Variants in ARHGAP21 observed in about 807,000 individuals in gnomAD.
The protein encoded by ARHGAP21 is Rho GTPase activating protein 21, also known as rho GTPase-activating protein 21.
A neutral mutation model predicts 164.6 loss-of-function variants in ARHGAP21; 38 were observed. The observed-to-expected ratio is 0.23, with a 90% CI of 0.18 to 0.30. The LOEUF (loss-of-function observed/expected upper bound fraction) is 0.30, where lower values mean the gene tolerates loss of function less well. Among genes scored for constraint, ARHGAP21 ranks in the 10% least tolerant of loss-of-function variants. The probability of loss-of-function intolerance (pLI) is 1.00; values close to 1 mark genes in which losing one functional copy is unlikely to be tolerated. For synonymous variants in ARHGAP21, 766 were observed against 857.9 expected, an observed-to-expected ratio of 0.89 and a Z score of 1.87; for missense variants, 1,822 against 2,370.7, an observed-to-expected ratio of 0.77 and a Z score of 4.81.
rs562719455 is a variant in ARHGAP21, at chr10:24,713,007, C to A, written c.63+8830G>T. 2.1e-4 allele frequency among the ~76,000 whole-genome samples: 32 copies of A among 151,944 alleles called. 1 individual carries two copies. The South Asian group carries it at 6.3e-3, about 30-fold the overall frequency. On this transcript the variant is annotated intron_variant, in intron 2 of 25. Coordinates refer to ENST00000396432, the MANE Select transcript of ARHGAP21 (RefSeq NM_020824.4). Reference sequence around the variant, plus strand: ...AAAAAAAAAACGGCGCTGATGAATTCCCAAGATCACACTAGCTATGCCACA... The same window carrying A: ...AAAAAAAAAACGGCGCTGATGAATTACCAAGATCACACTAGCTATGCCACA...
intron 13 of ARHGAP21, 146 bp from the exon 14 acceptor site, chr10:24,601,076 G>T: frequency 1.1e-6 from 1 of 911,946 alleles, no homozygotes; most frequent in Non-Finnish European, 1.6e-6. Context: ...TTATTTGTGA[G>T]GAGAGGAAGG....
At chr10:24,610,378 A>G (rs1349904114) in intron 9 of ARHGAP21, among the ~76,000 whole-genome samples, 5 of 151,916 alleles carry the variant, frequency 3.3e-5, no homozygotes, top group Non-Finnish European at 7.4e-5. Flanking sequence ...GTCACAAAAA[A>G]AAAAAAAAAA....
intron 4 of ARHGAP21, among the ~76,000 whole-genome samples, chr10:24,636,466 T>C (rs955510054): frequency 4.6e-5 from 7 of 152,186 alleles, no homozygotes; most frequent in African/African-American, 1.7e-4. Context: ...TCCTGACCCT[T>C]AAAGAAGAAT....
chr10:24,589,219 G>C (rs1227078182), intron 25 of ARHGAP21, 52 bp downstream of exon 25: 7 of 1,490,492 alleles, frequency 4.7e-6, no homozygotes, highest in Non-Finnish European at 6.5e-6. Context: ...ATAACAATCA[G>C]CCGAAAAACA....
chr10:24,594,582 TGA>T (rs2076494646), intron 21 of ARHGAP21, among the ~76,000 whole-genome samples: 1 of 151,718 alleles, frequency 6.6e-6, no homozygotes, highest in African/African-American at 2.4e-5. Context: ...TTAAAAGGAA[TGA>T]AAATGACTTA....
intron 3 of ARHGAP21, among the ~76,000 whole-genome samples, chr10:24,668,591 C>A (rs1840411040): frequency 6.6e-6 from 1 of 152,062 alleles, no homozygotes; most frequent in Admixed American, 6.6e-5. Context: ...AAACACCGCA[C>A]ATTTACTTCA....
At chr10:24,636,983 A>G (rs1223904634) in intron 4 of ARHGAP21, among the ~76,000 whole-genome samples, 1 of 152,270 alleles carries the variant, frequency 6.6e-6, no homozygotes, top group Non-Finnish European at 1.5e-5. Context: ...CAGGCATTCA[A>G]TAAATAATTA....
chr10:24,679,961 G>A (rs1343352082), intron 2 of ARHGAP21, among the ~76,000 whole-genome samples: 5 of 151,822 alleles, frequency 3.3e-5, no homozygotes, highest in Non-Finnish European at 5.9e-5. Flanking sequence ...AGGCCCCAGT[G>A]TGTGATGTTC....
chr10:24,598,723 A>T (rs2076687256), intron 14 of ARHGAP21, among the ~76,000 whole-genome samples: 1 of 152,160 alleles, frequency 6.6e-6, no homozygotes, highest in Non-Finnish European at 1.5e-5. Flanking sequence ...GAATGATGAT[A>T]CAGTTTACAA....
intron 2 of ARHGAP21, among the ~76,000 whole-genome samples, chr10:24,711,166 G>C (rs1400409634): frequency 6.7e-6 from 1 of 148,872 alleles, no homozygotes; most frequent in Non-Finnish European, 1.5e-5. Context: ...GGGAAAAAGA[G>C]AAAGAAAGAG....
intron 9 of ARHGAP21, among the ~76,000 whole-genome samples, chr10:24,619,271 T>TTA (rs1554972627): frequency 1.1e-4 from 16 of 151,412 alleles, no homozygotes; most frequent in Admixed American, 1.1e-3. Context: ...GTTTTTTTTT[T>TTA]AAAAAAAGGA....
At chr10:24,635,517 C>G (rs1029894563) in intron 4 of ARHGAP21, among the ~76,000 whole-genome samples, 4 of 152,094 alleles carry the variant, frequency 2.6e-5, no homozygotes, top group African/African-American at 9.7e-5. Context: ...GCGGTACTCA[C>G]TCCATGGCTT....
chr10:24,643,825 C>T (rs1476244270), intron 4 of ARHGAP21, among the ~76,000 whole-genome samples: 3 of 152,196 alleles, frequency 2.0e-5, no homozygotes, highest in African/African-American at 7.2e-5. Context: ...CTCTTGCTTG[C>T]ATTTTAATTC....
chr10:24,620,210 G>A lies in ARHGAP21; in HGVS notation c.1685C>T (p.Pro562Leu), dbSNP rs1834403889. ...SFRGSNFTVA[P>L]SVVNSDNRRM... is the part of the protein sequence containing the mutation. Reference sequence around the variant, plus strand: ...CCTGTTATCAGAATTAACAACGCTTGGAGCCACAGTAAAATTGGAACCTCG... The same window carrying A: ...CCTGTTATCAGAATTAACAACGCTTAGAGCCACAGTAAAATTGGAACCTCG... Residue 562 changes from proline (P) to leucine (L), a missense_variant, in exon 9 of 26, where the codon CCA becomes CTA. Coordinates refer to ENST00000396432, the MANE Select transcript of ARHGAP21 (RefSeq NM_020824.4). 1.2e-6 allele frequency: 2 copies of A among 1,613,788 alleles called. No individual in the cohort carries two copies. Among genetic ancestry groups the A allele is most frequent in the African/African-American group, 1.3e-5 (1 of 74,892 alleles).
intron 2 of ARHGAP21, among the ~76,000 whole-genome samples, chr10:24,717,159 T>C (rs1230418813): frequency 6.6e-6 from 1 of 152,046 alleles, no homozygotes; most frequent in Non-Finnish European, 1.5e-5. Context: ...CTTTGAGGTG[T>C]AGAAAGGTTT....
At chr10:24,674,714 TACACAC>T (rs200032243) in intron 2 of ARHGAP21, among the ~76,000 whole-genome samples, 1 of 151,174 alleles carries the variant, frequency 6.6e-6, no homozygotes, top group African/African-American at 2.4e-5. Flanking sequence ...ATGAAAAGTA[TACACAC>T]ACACACACAC....
chr10:24,652,987 GTAGC>G (rs1838351979), intron 4 of ARHGAP21, among the ~76,000 whole-genome samples: 2 of 152,154 alleles, frequency 1.3e-5, no homozygotes, highest in African/African-American at 4.8e-5. Context: ...ATTGTTTGAA[GTAGC>G]TAAACACTGA....
intron 2 of ARHGAP21, among the ~76,000 whole-genome samples, chr10:24,672,727 T>C (rs1321651651): frequency 2.0e-5 from 3 of 152,178 alleles, no homozygotes; most frequent in Non-Finnish European, 4.4e-5. Flanking sequence ...GTCTACCCAC[T>C]CTGCCACAAT....
chr10:24,592,412 G>A (rs2076374100), intron 21 of ARHGAP21, among the ~76,000 whole-genome samples: 1 of 152,062 alleles, frequency 6.6e-6, no homozygotes, highest in African/African-American at 2.4e-5. Flanking sequence ...TGCATAATTA[G>A]CATTCATTTT....
Sources: allele counts gnomAD v4.1 joint callset (sites outside exome capture counted in the v4.1 genomes callset), GRCh38; gene constraint gnomAD v4.1.1; transcripts MANE v1.5; gene names NCBI Gene and HGNC (gene_info 2026-07-23, HGNC 2026-07-21).